Variants in ABCA13 observed in about 807,000 individuals in gnomAD.
ABCA13 encodes ATP binding cassette subfamily A member 13, also known as ATP-binding cassette sub-family A member 13.
ABCA13 carries 476 observed loss-of-function variants against 478.7 expected under a neutral mutation model. The ratio of observed to expected loss-of-function variants is 0.99; its 90% CI spans 0.92 to 1.07. The LOEUF is 1.07. Ranked by LOEUF, ABCA13 falls within the 50% of genes least tolerant of loss-of-function variation. ABCA13 has a pLI of 0.00. For synonymous variants in ABCA13, 2,252 were observed against 2,158.9 expected, an observed-to-expected ratio of 1.04 and a Z score of -1.20; for missense variants, 6,060 against 5,910.6, an observed-to-expected ratio of 1.03 and a Z score of -0.83.
intron 52 of ABCA13, among the ~76,000 whole-genome samples, chr7:48,517,419 C>T (rs1832211466): frequency 6.6e-6 from 1 of 152,204 alleles, no homozygotes; most frequent in African/African-American, 2.4e-5. Flanking sequence ...CAGCCAAGGG[C>T]TTTCCTGAGC....
chr7:48,476,366 G>A (rs889697312), intron 45 of ABCA13, among the ~76,000 whole-genome samples: 5 of 152,152 alleles, frequency 3.3e-5, no homozygotes, highest in African/African-American at 1.2e-4. Flanking sequence ...TGTAGAAAGA[G>A]GCCAAAATAA....
intron 55 of ABCA13, among the ~76,000 whole-genome samples, chr7:48,551,133 TG>T (rs1785286292): frequency 6.8e-6 from 1 of 146,532 alleles, no homozygotes; most frequent in African/African-American, 2.6e-5. Context: ...TGGAGTTTTT[TG>T]TTTGTTTTTG....
intron 55 of ABCA13, among the ~76,000 whole-genome samples, chr7:48,564,616 A>G (rs1178214085): frequency 6.6e-6 from 1 of 151,946 alleles, no homozygotes; most frequent in African/African-American, 2.4e-5. Context: ...TAACATTCTC[A>G]ATCTATCAAT....
chr7:48,198,293 C>T lies in ABCA13; in HGVS notation c.220C>T (p.Leu74Phe). The change falls in exon 3 of 62, where the codon CTT (leucine) becomes TTT (phenylalanine). Residue 74 changes from leucine to phenylalanine, a missense_variant. By Grantham distance (22) the Leu-to-Phe change is conservative (BLOSUM62 0). This residue lies in a region of ABCA13 where 4,423 missense variants were observed against 4,309.1 expected (regional missense o/e 1.03). Transcript: ENST00000435803. ...SCGVIPFVQS[L>F]LCNTGSRCRN... The stretch of plus-strand genomic sequence containing the variant: ...TGGTGTTATCCCCTTTGTTCAAAGC[C>T]TTCTTTGTAACACTGGATCAAGGTG... 1 of 1,613,668 alleles carries T rather than the reference C, an allele frequency of 6.2e-7. No individual in the cohort carries two copies. Among genetic ancestry groups the T allele is most frequent in the Non-Finnish European group, 8.5e-7 (1 of 1,179,768 alleles).
rs368670564 is a variant in ABCA13 at position 48,524,320 on chromosome 7, G to A, written c.14124G>A (p.Val4708=). The part of the protein sequence containing the change: ...DTDVEKEEKR[V]FEGRTNGDIL... The stretch of plus-strand genomic sequence containing the variant: ...ATGTTGAAAAAGAGGAAAAGAGAGT[G>A]TTTGAAGGAAGGACCAATGGAGACA... The change falls in exon 54 of 62, where the codon GTG becomes GTA. Residue 4708 remains valine (V), a synonymous_variant. Coordinates refer to ENST00000435803, the MANE Select transcript of ABCA13 (RefSeq NM_152701.5). 5.0e-5 allele frequency: 81 copies of A among 1,613,040 alleles called. No homozygotes were observed. Among genetic ancestry groups the A allele is most frequent in the Middle Eastern group, 3.3e-4 (2 of 6,078 alleles).
Position 48,240,937 on chromosome 7 carries a change from C to T in ABCA13, c.1133C>T (p.Ala378Val). The part of the protein sequence containing the change: ...TLTGMGHSLE[A>V]LRNQFEEESK... Reference sequence around the variant, plus strand: ...ACAGGCATGGGCCATAGTCTGGAGGCTCTCAGGAATCAGTTTGAAGAAGAG... The same window carrying T: ...ACAGGCATGGGCCATAGTCTGGAGGTTCTCAGGAATCAGTTTGAAGAAGAG... The change falls in exon 10 of 62, where the codon GCT becomes GTT. Residue 378 changes from alanine (A) to valine (V), a missense_variant. Ala to Val is a moderately conservative substitution (Grantham distance 64). Coordinates refer to ENST00000435803, the MANE Select transcript of ABCA13 (RefSeq NM_152701.5). The T allele has an allele frequency of 6.2e-7, 1 of 1,613,316 alleles. No individual in the cohort carries two copies. Among genetic ancestry groups the T allele is most frequent in the Admixed American group, 1.7e-5 (1 of 59,952 alleles).
At chr7:48,185,222 A>G (rs1796204587) in intron 1 of ABCA13, among the ~76,000 whole-genome samples, 1 of 152,232 alleles carries the variant, frequency 6.6e-6, no homozygotes. Flanking sequence ...TCATACATCA[A>G]GTCTCCAAAT....
chr7:48,244,502 C>T (rs80027467), intron 10 of ABCA13, 74 bp from the exon 11 acceptor site: 47,228 of 1,513,128 alleles, frequency 0.031, 1,042 homozygotes, highest in Admixed American at 0.087. Context: ...TTCCTTTGAA[C>T]GGAATTTTTA....
chr7:48,203,718 T>C (rs1373591252), intron 3 of ABCA13, among the ~76,000 whole-genome samples: 1 of 152,236 alleles, frequency 6.6e-6, no homozygotes, highest in Non-Finnish European at 1.5e-5. Flanking sequence ...TTAAAATGCT[T>C]TGTAATGCGA....
chr7:48,269,162 T>A, intron 16 of ABCA13, 68 bp downstream of exon 16: 2 of 847,050 alleles, frequency 2.4e-6, no homozygotes, highest in Non-Finnish European at 3.9e-6. Context: ...AAAACCTAAT[T>A]ATAGGATATG....
At chr7:48,333,861 G>A (rs571186395) in intron 27 of ABCA13, among the ~76,000 whole-genome samples, 30 of 152,292 alleles carry the variant, frequency 2.0e-4, no homozygotes, top group Non-Finnish European at 5.9e-5. Context: ...TCCAGGCCAG[G>A]TCACTTGATA....
At chr7:48,199,586 A>G (rs938838236) in intron 3 of ABCA13, among the ~76,000 whole-genome samples, 3 of 152,186 alleles carry the variant, frequency 2.0e-5, no homozygotes, top group Non-Finnish European at 4.4e-5. Flanking sequence ...GCCAACTTTC[A>G]GGTCATAGTA....
intron 8 of ABCA13, among the ~76,000 whole-genome samples, chr7:48,238,396 G>A (rs1047022505): frequency 2.0e-5 from 3 of 152,108 alleles, no homozygotes; most frequent in Non-Finnish European, 4.4e-5. Context: ...TGATGTAATA[G>A]GGGAATGTGC....
At chr7:48,472,916 A>T (rs371327588) in intron 45 of ABCA13, among the ~76,000 whole-genome samples, 5 of 152,166 alleles carry the variant, frequency 3.3e-5, no homozygotes, top group Non-Finnish European at 5.9e-5. Flanking sequence ...ATAAAGGTGT[A>T]CCCAAGACTG....
chr7:48,432,370 T>G (rs1822265376), intron 42 of ABCA13, among the ~76,000 whole-genome samples: 1 of 152,140 alleles, frequency 6.6e-6, no homozygotes, highest in African/African-American at 2.4e-5. Context: ...ATACTGTTGG[T>G]GGGAATGTGA....
At chr7:48,506,926 T>C (rs1036884116) in intron 49 of ABCA13, among the ~76,000 whole-genome samples, 1 of 152,174 alleles carries the variant, frequency 6.6e-6, no homozygotes, top group Non-Finnish European at 1.5e-5. Context: ...CTCTATTATA[T>C]GGTCGACAAA....
At chr7:48,550,153 C>T (rs1785176107) in intron 55 of ABCA13, among the ~76,000 whole-genome samples, 1 of 151,828 alleles carries the variant, frequency 6.6e-6, no homozygotes, top group Admixed American at 6.6e-5. Context: ...TGAAGCATAG[C>T]TAACATTTCT....
At chr7:48,593,650 T>G (rs1789988804) in intron 57 of ABCA13, among the ~76,000 whole-genome samples, 1 of 152,058 alleles carries the variant, frequency 6.6e-6, no homozygotes, top group African/African-American at 2.4e-5. Context: ...TATTTTGTTT[T>G]GAAGAACCCC....
At chr7:48,312,813 G>T (rs1483623841) in intron 24 of ABCA13, among the ~76,000 whole-genome samples, 1 of 152,178 alleles carries the variant, frequency 6.6e-6, no homozygotes, top group African/African-American at 2.4e-5. Context: ...CAAATGATTT[G>T]AATTTTAATG....
Sources: allele counts gnomAD v4.1 joint callset (sites outside exome capture counted in the v4.1 genomes callset), GRCh38; gene constraint gnomAD v4.1.1; regional missense constraint gnomAD v4.1.1; transcripts MANE v1.5; gene names NCBI Gene and HGNC (gene_info 2026-07-23, HGNC 2026-07-21).